Variants in MOB3B observed in about 807,000 individuals in gnomAD.
The protein encoded by MOB3B is MOB kinase activator-like 2B.
A neutral mutation model predicts 18.7 loss-of-function variants in MOB3B; 7 were observed. The ratio of observed to expected loss-of-function variants is 0.37; its 90% CI spans 0.21 to 0.70. MOB3B has a LOEUF of 0.70. Among genes scored for constraint, MOB3B ranks in the 30% least tolerant of loss-of-function variants. The pLI is 0.52. For missense variants in MOB3B, 253 were observed against 281.3 expected (o/e 0.90, Z 0.72); for synonymous variants, 111 against 99.9 (o/e 1.11, Z -0.66).
At chr9:27,528,860 C>G (rs1339702697) in intron 1 of MOB3B, among the ~76,000 whole-genome samples, 1 of 152,142 alleles carries the variant, frequency 6.6e-6, no homozygotes, top group Non-Finnish European at 1.5e-5. Context: ...CAGCAGGGGT[C>G]TGAAGGTGGG....
Position 27,525,066 on chromosome 9 carries a change from T to C in MOB3B, c.-199+4489A>G, listed in dbSNP as rs747144388. The stretch of plus-strand genomic sequence containing the variant: ...GTTGTGCTGTCCTGTAAGCCTGTCC[T>C]CAGTTGGACTGGTAGCCTCGGAACA... On this transcript the variant is annotated intron_variant, in intron 1 of 3. Coordinates refer to ENST00000262244, the MANE Select transcript of MOB3B (RefSeq NM_024761.5). The C allele has an allele frequency of 6.1e-4, 589 of 962,906 alleles. 2 individuals carry two copies. The highest frequency in any genetic ancestry group is 7.6e-4 in the Non-Finnish European group (507 of 668,032). The allele number at this position is 962,906 out of a possible 1,614,324, so 59.6% of individuals were successfully genotyped here. A position where few individuals can be genotyped will look rare whatever the true frequency, so the allele number is the denominator to read the frequency against.
chr9:27,522,716 G>A (rs1183925499), intron 1 of MOB3B, among the ~76,000 whole-genome samples: 1 of 151,886 alleles, frequency 6.6e-6, no homozygotes, highest in Non-Finnish European at 1.5e-5. Flanking sequence ...TCAGTTCCTA[G>A]AGGATCAATC....
rs145335343 is a variant in MOB3B, at chr9:27,340,155, G to A, written c.622-9539C>T. Among the ~76,000 whole-genome samples, 179 of 152,258 alleles carry A rather than the reference G, an allele frequency of 1.2e-3. 1 individual carries two copies. Among genetic ancestry groups the A allele is most frequent in the African/African-American group, 3.9e-3 (163 of 41,538 alleles). On this transcript the variant is annotated intron_variant, in intron 3 of 3. Transcript: ENST00000262244. ...TGATTAATTCTGTTCCTAAACAACAGCCCACATTACTGACACGGAGGGCGT... is the reference window on the plus strand; with the variant it reads ...TGATTAATTCTGTTCCTAAACAACAACCCACATTACTGACACGGAGGGCGT...
At chr9:27,443,617 T>C (rs1822629346) in intron 2 of MOB3B, among the ~76,000 whole-genome samples, 1 of 152,198 alleles carries the variant, frequency 6.6e-6, no homozygotes, top group Admixed American at 6.5e-5. Flanking sequence ...GTTAGTCCAA[T>C]CAGGAACCCC....
chr9:27,461,125 C>T (rs1231248504), intron 1 of MOB3B, among the ~76,000 whole-genome samples: 1 of 152,200 alleles, frequency 6.6e-6, no homozygotes, highest in Admixed American at 6.5e-5. Flanking sequence ...AGTCTGATTT[C>T]TCATTTTCCC....
intron 2 of MOB3B, among the ~76,000 whole-genome samples, chr9:27,431,008 T>C (rs1024369359): frequency 1.3e-5 from 2 of 152,174 alleles, no homozygotes; most frequent in African/African-American, 4.8e-5. Context: ...AATGCTAATT[T>C]AGACATTTTT....
intron 1 of MOB3B, among the ~76,000 whole-genome samples, chr9:27,476,943 G>A (rs1400155718): frequency 1.3e-5 from 2 of 152,074 alleles, no homozygotes; most frequent in African/African-American, 2.4e-5. Context: ...AGAGATCCAG[G>A]CTCTCTTGAA....
At chr9:27,392,168 A>C (rs936679758) in intron 2 of MOB3B, among the ~76,000 whole-genome samples, 1 of 152,220 alleles carries the variant, frequency 6.6e-6, no homozygotes, top group Admixed American at 6.5e-5. Flanking sequence ...CCAGAATCTA[A>C]TATTTTAATA....
chr9:27,508,028 A>G (rs923736043), intron 1 of MOB3B, among the ~76,000 whole-genome samples: 2 of 152,214 alleles, frequency 1.3e-5, no homozygotes, highest in African/African-American at 2.4e-5. Flanking sequence ...GTTAGGAGGT[A>G]TAGAAGAGGG....
At chr9:27,503,900 G>A (rs1046980788) in intron 1 of MOB3B, among the ~76,000 whole-genome samples, 1 of 152,152 alleles carries the variant, frequency 6.6e-6, no homozygotes, top group Non-Finnish European at 1.5e-5. Context: ...CCTTAACTCG[G>A]GACCACTCTT....
chr9:27,481,594 C>T (rs184446728), intron 1 of MOB3B, among the ~76,000 whole-genome samples: 77 of 144,520 alleles, frequency 5.3e-4, no homozygotes, highest in African/African-American at 1.9e-3. Context: ...GGCGTGATCT[C>T]GGCTCACTGC....
chr9:27,397,849 A>G (rs1295942320), intron 2 of MOB3B, among the ~76,000 whole-genome samples: 1 of 152,168 alleles, frequency 6.6e-6, no homozygotes, highest in Admixed American at 6.5e-5. Flanking sequence ...GGGGCCAAAT[A>G]ATTGTTTGTT....
chr9:27,464,190 T>C (rs1302975491), intron 1 of MOB3B, among the ~76,000 whole-genome samples: 1 of 151,910 alleles, frequency 6.6e-6, no homozygotes, highest in Non-Finnish European at 1.5e-5. Flanking sequence ...AATGTGTGTT[T>C]ACGAATAAGA....
At chr9:27,509,747 A>G (rs574338449) in intron 1 of MOB3B, among the ~76,000 whole-genome samples, 9 of 146,350 alleles carry the variant, frequency 6.1e-5, no homozygotes, top group Non-Finnish European at 1.4e-4. Flanking sequence ...GTTTTTTGAG[A>G]GGAGTCTCAC....
chr9:27,523,221 G>C (rs967144882), intron 1 of MOB3B, among the ~76,000 whole-genome samples: 2 of 151,862 alleles, frequency 1.3e-5, no homozygotes, highest in Non-Finnish European at 2.9e-5. Flanking sequence ...CATAATCAGA[G>C]GAAGGTTATT....
intron 2 of MOB3B, among the ~76,000 whole-genome samples, chr9:27,434,378 C>G (rs1472711137): frequency 4.6e-5 from 7 of 152,142 alleles, no homozygotes; most frequent in Non-Finnish European, 1.0e-4. Context: ...AACTCCTTTA[C>G]CAACAATTCC....
intron 2 of MOB3B, among the ~76,000 whole-genome samples, chr9:27,404,469 T>C (rs957376549): frequency 2.0e-5 from 3 of 148,352 alleles, no homozygotes; most frequent in African/African-American, 7.4e-5. Context: ...GCGATTCTCC[T>C]GCCTTGGCTT....
At chr9:27,468,606 T>C (rs577689712) in intron 1 of MOB3B, among the ~76,000 whole-genome samples, 1 of 152,292 alleles carries the variant, frequency 6.6e-6, no homozygotes, top group East Asian at 1.9e-4. Context: ...TGCTCACATG[T>C]CTGGCCCCTC....
At position 27,344,730 on chromosome 9, in the gene MOB3B, T is replaced by C. The variant is rs889319183; in HGVS notation, c.622-14114A>G. Among the ~76,000 whole-genome samples, 7 of 152,382 alleles carry C rather than the reference T, an allele frequency of 4.6e-5. No homozygotes were observed. In the East Asian group the frequency reaches 1.3e-3, roughly 29 times the overall value. On this transcript the variant is annotated intron_variant, in intron 3 of 3. Coordinates refer to ENST00000262244, the MANE Select transcript of MOB3B (RefSeq NM_024761.5). ...AAAGCTGGATGTGGATGTGGTCTAA[T>C]GTCTACTTTGATTCTTGTGTATTTG...
Sources: allele counts gnomAD v4.1 joint callset (sites outside exome capture counted in the v4.1 genomes callset), GRCh38; gene constraint gnomAD v4.1.1; transcripts MANE v1.5; gene names NCBI Gene and HGNC (gene_info 2026-07-23, HGNC 2026-07-21).